Variants in PLSCR4 observed in about 807,000 individuals in gnomAD.
PLSCR4 encodes the protein Ca(2+)-dependent phospholipid scramblase 4.
A neutral mutation model predicts 36.3 loss-of-function variants in PLSCR4; 25 were observed. The observed-to-expected ratio is 0.69, with a 90% CI of 0.50 to 0.96. PLSCR4 has a LOEUF of 0.96. Ranked by LOEUF, PLSCR4 falls within the 40% of genes least tolerant of loss-of-function variation. PLSCR4 has a pLI of 0.00. For missense variants in PLSCR4, 408 were observed against 414.7 expected, an observed-to-expected ratio of 0.98 and a Z score of 0.14; for synonymous variants, 122 against 132.9, an observed-to-expected ratio of 0.92 and a Z score of 0.56.
chr3:146,221,494 G>T (rs948172816), intron 2 of PLSCR4, among the ~76,000 whole-genome samples: 18 of 152,138 alleles, frequency 1.2e-4, no homozygotes, highest in Non-Finnish European at 4.4e-5. Context: ...AGTAATTGCT[G>T]CAAGGGAGGT....
At chr3:146,238,706 T>A (rs899466508) in intron 1 of PLSCR4, among the ~76,000 whole-genome samples, 2 of 152,112 alleles carry the variant, frequency 1.3e-5, no homozygotes, top group Non-Finnish European at 2.9e-5. Context: ...AGAGAAAGAC[T>A]AAATGCTTTC....
chr3:146,219,954 T>G (rs553281028), intron 3 of PLSCR4, among the ~76,000 whole-genome samples: 1 of 151,868 alleles, frequency 6.6e-6, no homozygotes, highest in African/African-American at 2.4e-5. Context: ...AAAAAAACTT[T>G]TGCCATTATC....
intron 7 of PLSCR4, 80 bp downstream of exon 7, chr3:146,196,552 A>G (rs1252697216): frequency 1.9e-5 from 26 of 1,336,920 alleles, no homozygotes; most frequent in Non-Finnish European, 2.6e-5. Flanking sequence ...TTAAAAAAAA[A>G]TGTCTACAAC....
chr3:146,225,780 C>CCGCACG (rs888114687), intron 1 of PLSCR4, among the ~76,000 whole-genome samples: 1 of 152,202 alleles, frequency 6.6e-6, no homozygotes, highest in Non-Finnish European at 1.5e-5. Context: ...CCCGCAAGCG[C>CCGCACG]CGCACGCGGT....
intron 1 of PLSCR4, among the ~76,000 whole-genome samples, chr3:146,235,790 C>CA (rs974615880): frequency 6.6e-6 from 1 of 152,132 alleles, no homozygotes; most frequent in African/African-American, 2.4e-5. Flanking sequence ...GATGCAGTCT[C>CA]AGAGGGAAAT....
At chr3:146,194,798 G>A (rs1160604941) in intron 8 of PLSCR4, among the ~76,000 whole-genome samples, 2 of 152,084 alleles carry the variant, frequency 1.3e-5, no homozygotes, top group Non-Finnish European at 2.9e-5. Flanking sequence ...CATAGGCTAG[G>A]CATTTTTAAG....
intron 6 of PLSCR4, among the ~76,000 whole-genome samples, chr3:146,198,808 T>C (rs1033020263): frequency 2.6e-5 from 4 of 152,162 alleles, no homozygotes; most frequent in Non-Finnish European, 5.9e-5. Flanking sequence ...AATATGAAGA[T>C]AAATGCCTAC....
chr3:146,203,335 C>A (rs960271833), intron 4 of PLSCR4, among the ~76,000 whole-genome samples: 10 of 151,554 alleles, frequency 6.6e-5, no homozygotes, highest in African/African-American at 2.2e-4. Flanking sequence ...TCTTGGGTGA[C>A]CAGATGTGTT....
At chr3:146,236,903 T>G (rs1205533376) in intron 1 of PLSCR4, among the ~76,000 whole-genome samples, 1 of 152,028 alleles carries the variant, frequency 6.6e-6, no homozygotes, top group Non-Finnish European at 1.5e-5. Flanking sequence ...TATACACTAA[T>G]AAGAAGAAAG....
chr3:146,223,780 T>TA (rs1226182164), intron 1 of PLSCR4: 3 of 150,210 alleles, frequency 2.0e-5, no homozygotes, highest in African/African-American at 7.3e-5. Flanking sequence ...TCTCCAAGCT[T>TA]AAAAAATACA....
intron 1 of PLSCR4, among the ~76,000 whole-genome samples, chr3:146,237,171 T>A (rs1487211683): frequency 2.6e-5 from 4 of 152,152 alleles, no homozygotes; most frequent in Admixed American, 2.6e-4. Flanking sequence ...AGAGCTGCAG[T>A]GGCTATACTA....
intron 3 of PLSCR4, among the ~76,000 whole-genome samples, chr3:146,220,499 T>C (rs1239639606): frequency 6.6e-6 from 1 of 152,200 alleles, no homozygotes; most frequent in African/African-American, 2.4e-5. Context: ...TTGACCTCCT[T>C]AGTCAGGGCT....
At chr3:146,216,647 T>C (rs540132929) in intron 3 of PLSCR4, among the ~76,000 whole-genome samples, 1 of 151,942 alleles carries the variant, frequency 6.6e-6, no homozygotes, top group African/African-American at 2.4e-5. Flanking sequence ...GTATCAGGAG[T>C]AGAATTAGAA....
intron 1 of PLSCR4, among the ~76,000 whole-genome samples, chr3:146,245,649 G>A (rs1444768443): frequency 6.6e-6 from 1 of 151,814 alleles, no homozygotes; most frequent in Admixed American, 6.6e-5. Context: ...CATATAATCT[G>A]GATAATTATA....
intron 1 of PLSCR4, among the ~76,000 whole-genome samples, chr3:146,239,987 C>T (rs112195477): frequency 5.3e-5 from 8 of 152,158 alleles, no homozygotes; most frequent in African/African-American, 1.9e-4. Flanking sequence ...GCAATGGTTT[C>T]ATTGATATGA....
At chr3:146,197,005 T>G (rs1233179337) in intron 6 of PLSCR4, among the ~76,000 whole-genome samples, 2 of 152,164 alleles carry the variant, frequency 1.3e-5, no homozygotes, top group African/African-American at 2.4e-5. Context: ...GCCTCTGGGA[T>G]AGACAGCAGG....
At chr3:146,234,427 T>C (rs2035834527) in intron 1 of PLSCR4, among the ~76,000 whole-genome samples, 1 of 152,126 alleles carries the variant, frequency 6.6e-6, no homozygotes, top group Admixed American at 6.6e-5. Flanking sequence ...AGTCTCACTG[T>C]GGAGAAAGCA....
intron 1 of PLSCR4, among the ~76,000 whole-genome samples, chr3:146,234,372 A>T (rs937086148): frequency 1.3e-5 from 2 of 152,160 alleles, no homozygotes; most frequent in Non-Finnish European, 2.9e-5. Flanking sequence ...AGTTTTTAAA[A>T]AATTTTTTTT....
At chr3:146,195,714 G>A (rs1022415217) in intron 7 of PLSCR4, among the ~76,000 whole-genome samples, 2 of 151,992 alleles carry the variant, frequency 1.3e-5, no homozygotes, top group African/African-American at 2.4e-5. Context: ...CTTAATATAC[G>A]GCCAGATACC....
Sources: gnomAD v4.1 joint callset for allele counts (sites outside exome capture counted in the v4.1 genomes callset) on GRCh38, gnomAD v4.1.1 for gene constraint, MANE v1.5 for transcripts, NCBI Gene and HGNC (gene_info 2026-07-23, HGNC 2026-07-21) for gene names.